Variants in PPM1H observed in about 807,000 individuals in gnomAD.
PPM1H encodes protein phosphatase 1H.
PPM1H carries 27 observed loss-of-function variants against 54.9 expected under a neutral mutation model. The observed-to-expected ratio is 0.49, with a 90% CI of 0.36 to 0.68. PPM1H has a LOEUF of 0.68. PPM1H is among the 30% of genes least tolerant of loss of function. The pLI is 0.00. For synonymous variants in PPM1H, 305 were observed against 270.8 expected, an observed-to-expected ratio of 1.13 and a Z score of -1.24; for missense variants, 596 against 667.8, an observed-to-expected ratio of 0.89 and a Z score of 1.19.
chr12:62,838,338 T>G (rs77787751), intron 1 of PPM1H, among the ~76,000 whole-genome samples: 7,453 of 91,670 alleles, frequency 0.081, 324 homozygotes, highest in South Asian at 0.23. Flanking sequence ...TGTGTGTGTG[T>G]GGGGGGGGGG....
At chr12:62,672,773 AG>A (rs1288399776) in intron 8 of PPM1H, among the ~76,000 whole-genome samples, 3 of 152,176 alleles carry the variant, frequency 2.0e-5, no homozygotes, top group Non-Finnish European at 2.9e-5. Context: ...ATGAACACCC[AG>A]GGGGTTGGTC....
chr12:62,746,655 A>ACTTTC (rs1434646216), intron 4 of PPM1H, among the ~76,000 whole-genome samples: 1 of 152,164 alleles, frequency 6.6e-6, no homozygotes, highest in Non-Finnish European at 1.5e-5. Flanking sequence ...TGCCTGGGAG[A>ACTTTC]TATCTCCCTT....
chr12:62,648,572 G>A lies in PPM1H; in HGVS notation c.1462C>T (p.Arg488Trp), dbSNP rs752870905. The stretch of plus-strand genomic sequence containing the variant: ...GAGCCCAGTCGGTCATTAGATATCC[G>A]CCATCCTCTGTCCTTCAGCACACCC... The part of the protein sequence containing the change: ...ARGVLKDRGW[R>W]ISNDRLGSGD... The change falls in exon 10 of 10, where the codon CGG becomes TGG. Residue 488 changes from arginine (R) to tryptophan (W), a missense_variant. Arg to Trp is a moderately radical substitution (Grantham distance 101). Around this residue, in one of 3 missense-constraint regions of PPM1H, gnomAD observed 208 missense variants for 259.5 expected, o/e 0.80. Transcript: ENST00000228705. 1.2e-5 allele frequency: 20 copies of A among 1,613,814 alleles called. No homozygotes were observed. Among genetic ancestry groups the A allele is most frequent in the East Asian group, 4.5e-5 (2 of 44,876 alleles).
chr12:62,816,723 A>G (rs955198491), intron 2 of PPM1H, among the ~76,000 whole-genome samples: 2 of 151,846 alleles, frequency 1.3e-5, no homozygotes, highest in African/African-American at 4.8e-5. Flanking sequence ...AGTATTATTT[A>G]TGGTTTTGGT....
intron 2 of PPM1H, among the ~76,000 whole-genome samples, chr12:62,812,522 C>T (rs2076841812): frequency 6.6e-6 from 1 of 152,034 alleles, no homozygotes; most frequent in Admixed American, 6.6e-5. Flanking sequence ...TCCAGTTGCA[C>T]TCTAAATTAT....
At chr12:62,827,797 ACC>A (rs1868307031) in intron 2 of PPM1H, among the ~76,000 whole-genome samples, 1 of 152,064 alleles carries the variant, frequency 6.6e-6, no homozygotes, top group Non-Finnish European at 1.5e-5. Flanking sequence ...TCCTAACCTT[ACC>A]CATCCCCTTC....
intron 9 of PPM1H, chr12:62,659,183 C>T: frequency 2.9e-6 from 2 of 695,432 alleles, no homozygotes; most frequent in Non-Finnish European, 5.3e-6. Flanking sequence ...CCATCAGAGT[C>T]ACCAACCCCA....
chr12:62,769,572 G>A (rs758337815), intron 4 of PPM1H, among the ~76,000 whole-genome samples: 1 of 152,208 alleles, frequency 6.6e-6, no homozygotes, highest in Non-Finnish European at 1.5e-5. Flanking sequence ...TTCATTCAAT[G>A]TCTTCTATGG....
chr12:62,797,163 C>T (rs150984464), intron 3 of PPM1H, among the ~76,000 whole-genome samples: 1 of 152,090 alleles, frequency 6.6e-6, no homozygotes, highest in African/African-American at 2.4e-5. Flanking sequence ...ATTCTGATTC[C>T]ACATTGTTGA....
At chr12:62,884,360 G>T (rs1000875387) in intron 1 of PPM1H, among the ~76,000 whole-genome samples, 2 of 151,284 alleles carry the variant, frequency 1.3e-5, no homozygotes, top group African/African-American at 4.9e-5. Context: ...AAATAGTCAG[G>T]CATAGTGGCA....
chr12:62,832,083 C>T (rs1868371118), intron 2 of PPM1H, 31 bp downstream of exon 2: 2 of 1,608,096 alleles, frequency 1.2e-6, no homozygotes, highest in Non-Finnish European at 1.7e-6. Flanking sequence ...ATTCTTCTCA[C>T]CTGAGAACCA....
At position 62,658,212 on chromosome 12, in the gene PPM1H, T is replaced by TTTTTTTTTC. The variant is rs768288538; in HGVS notation, c.1397+8965_1397+8966insGAAAAAAAA. Among the ~76,000 whole-genome samples the TTTTTTTTTC allele has an allele frequency of 1.2e-4, 16 of 130,538 alleles. No homozygotes were observed. The South Asian group carries it at 1.8e-3, about 15-fold the overall frequency. 85.6% of individuals were successfully genotyped at this position (130,538 alleles called of 152,430 possible). A position where few individuals can be genotyped will look rare whatever the true frequency, so the allele number is the denominator to read the frequency against. ...TTTTTTTTTTTTTTTTTTTTTTTTTTAAGTAAAAAAGAAGTTTCCACAGAC... is the reference window on the plus strand; with the variant it reads ...TTTTTTTTTTTTTTTTTTTTTTTTTTTTTTTTTTCAAGTAAAAAAGAAGTTTCCACAGAC... On this transcript the variant is annotated intron_variant, in intron 9 of 9. Transcript: ENST00000228705.
At chr12:62,741,293 G>T (rs1004088378) in intron 4 of PPM1H, among the ~76,000 whole-genome samples, 3 of 152,106 alleles carry the variant, frequency 2.0e-5, no homozygotes, top group African/African-American at 7.2e-5. Flanking sequence ...CTAGTGCCTT[G>T]GTTCTGGTTT....
intron 6 of PPM1H, among the ~76,000 whole-genome samples, chr12:62,694,461 G>C (rs1210057676): frequency 6.6e-6 from 1 of 152,150 alleles, no homozygotes; most frequent in Non-Finnish European, 1.5e-5. Context: ...TTTCGAGCCT[G>C]TTTGTCCTCT....
chr12:62,748,363 C>T (rs1230350569), intron 4 of PPM1H, among the ~76,000 whole-genome samples: 1 of 152,198 alleles, frequency 6.6e-6, no homozygotes, highest in African/African-American at 2.4e-5. Context: ...TTCTTCTCTC[C>T]GCAGCAAGGG....
chr12:62,920,648 A>C (rs906173109), intron 1 of PPM1H, among the ~76,000 whole-genome samples: 21 of 151,612 alleles, frequency 1.4e-4, no homozygotes, highest in Non-Finnish European at 7.4e-5. Flanking sequence ...GAAAGAAAAA[A>C]TTCTTAATAG....
chr12:62,843,451 A>G (rs1868832932), intron 1 of PPM1H, among the ~76,000 whole-genome samples: 1 of 152,246 alleles, frequency 6.6e-6, no homozygotes, highest in Non-Finnish European at 1.5e-5. Flanking sequence ...CATATGCATG[A>G]TGACTTATTT....
At chr12:62,907,151 A>G (rs1592665419) in intron 1 of PPM1H, among the ~76,000 whole-genome samples, 2 of 152,188 alleles carry the variant, frequency 1.3e-5, no homozygotes, top group East Asian at 3.9e-4. Flanking sequence ...TATTTCTACA[A>G]TTCTTTCTCC....
intron 1 of PPM1H, among the ~76,000 whole-genome samples, chr12:62,906,523 G>A (rs1014253857): frequency 2.6e-5 from 4 of 152,130 alleles, no homozygotes; most frequent in African/African-American, 7.2e-5. Context: ...TAGTTTGAGC[G>A]CTAAATTACA....
Sources: allele counts gnomAD v4.1 joint callset (sites outside exome capture counted in the v4.1 genomes callset), GRCh38; gene constraint gnomAD v4.1.1; regional missense constraint gnomAD v4.1.1; transcripts MANE v1.5; gene names NCBI Gene and HGNC (gene_info 2026-07-23, HGNC 2026-07-21).